The following DNM1 variants were observed in gnomAD, a reference collection of about 807,000 sequenced individuals.
DNM1 encodes the protein dynamin 1, also known as dynamin-1.
Under a neutral mutation model 104.6 loss-of-function variants are expected in DNM1, and 29 were observed. The observed-to-expected ratio is 0.28, with a 90% CI of 0.21 to 0.38. DNM1 has a LOEUF of 0.38. Ranked by LOEUF, DNM1 falls within the 10% of genes least tolerant of loss-of-function variation. DNM1 has a pLI of 1.00. For synonymous variants in DNM1, 445 were observed against 475.8 expected (o/e 0.94, Z 0.84); for missense variants, 640 against 1,189.4 (o/e 0.54, Z 6.79).
intron 1 of DNM1, among the ~76,000 whole-genome samples, chr9:128,210,058 T>C (rs1281499772): frequency 6.6e-6 from 1 of 152,030 alleles, no homozygotes; most frequent in Non-Finnish European, 1.5e-5. Context: ...TTTTGTTTTG[T>C]TTTGTAAGAC....
At position 128,212,192 on chromosome 9, in the gene DNM1, A is replaced by C. The variant is rs573616023; in HGVS notation, c.162-6039A>C. Among the ~76,000 whole-genome samples, 4 of 152,346 alleles carry C rather than the reference A, an allele frequency of 2.6e-5. No homozygotes were observed. The South Asian group carries it at 8.3e-4, about 32-fold the overall frequency. ...CAGGATCTCAGGGCATTCCCTCAGC[A>C]GCCCTAGGAGGCAGCTGCTGGCCTG... On this transcript the variant is annotated intron_variant, in intron 1 of 21. Transcript: ENST00000372923.
chr9:128,246,541 A>C, intron 16 of DNM1, 38 bp downstream of exon 16: 1 of 1,488,468 alleles, frequency 6.7e-7, no homozygotes, highest in Non-Finnish European at 9.4e-7. Context: ...CTGCAGCCCC[A>C]AAACCACCCT....
At position 128,247,900 on chromosome 9, in the gene DNM1, A is replaced by C; in HGVS notation, c.1894-24A>C. The C allele has an allele frequency of 6.2e-7, 1 of 1,612,084 alleles. No individual in the cohort carries two copies. The highest frequency in any genetic ancestry group is 1.1e-5 in the South Asian group (1 of 90,950). The stretch of plus-strand genomic sequence containing the variant: ...GCTCCCTGGTGGTGGCGGCGGTGGC[A>C]ATGTTGGTGTGTGGGCCTCCCAGGA... On this transcript the variant is annotated intron_variant, in intron 17 of 21. Transcript: ENST00000372923. The surrounding 1 kb of genome is among the most constrained non-coding windows in gnomAD (Gnocchi z 5.1).
At chr9:128,242,637 G>A (rs777322013) in intron 15 of DNM1, among the ~76,000 whole-genome samples, 5 of 152,176 alleles carry the variant, frequency 3.3e-5, no homozygotes, top group Admixed American at 1.3e-4. Context: ...GCGGGCGCCT[G>A]TAATCCCAGC....
Position 128,254,377 on chromosome 9 carries a change from G to T in DNM1, c.2535-277G>T. 3 of 1,408,086 alleles carry T rather than the reference G, an allele frequency of 2.1e-6. No homozygotes were observed. The highest frequency in any genetic ancestry group is 2.8e-6 in the Non-Finnish European group (3 of 1,089,558). 87.2% of individuals were successfully genotyped at this position (1,408,086 alleles called of 1,614,324 possible). A position where few individuals can be genotyped will look rare whatever the true frequency, so the allele number is the denominator to read the frequency against. On this transcript the variant is annotated intron_variant, in intron 21 of 21. Coordinates refer to ENST00000372923, the MANE Select transcript of DNM1 (RefSeq NM_004408.4). The surrounding 1 kb of genome is among the most constrained non-coding windows in gnomAD (Gnocchi z 6.1). ...CCTGAATTGCGGGTGCCCTGCCTGG[G>T]TGCCGTGTGAGAGGCCAGCGTGTGT...
At position 128,224,396 on chromosome 9, in the gene DNM1, C is replaced by T. The variant is rs201230726; in HGVS notation, c.1335+7C>T. 1.7e-5 allele frequency: 28 copies of T among 1,605,218 alleles called. No homozygotes were observed. The highest frequency in any genetic ancestry group is 6.7e-5 in the East Asian group (3 of 44,660). Reference sequence around the variant, plus strand: ...TAGACAGTGCACCAAGAAGGTAACCCGGAGGCCCGGGCCAGCCCCCACCGC... The same window carrying T: ...TAGACAGTGCACCAAGAAGGTAACCTGGAGGCCCGGGCCAGCCCCCACCGC... On this transcript the variant is annotated splice_region_variant and intron_variant, in intron 10 of 21. Coordinates refer to ENST00000372923, the MANE Select transcript of DNM1 (RefSeq NM_004408.4). This position sits in a 1 kb window ranked among gnomAD's most constrained non-coding sequence, Gnocchi z 4.3.
chr9:128,250,757 G>A lies in DNM1; in HGVS notation c.2351G>A (p.Arg784Gln). ...ACGTCCAGCCCCACGCCGCAGCGCC[G>A]AGCCCCCGCCGTGCCCCCAGCCCGG... is the stretch of plus-strand genomic sequence containing the variant. ...SPTSSPTPQR[R>Q]APAVPPARPG... The change falls in exon 21 of 22, where the codon CGA becomes CAA. Residue 784 changes from arginine (R) to glutamine (Q), a missense_variant. Arg to Gln is a conservative substitution (Grantham distance 43). Coordinates refer to ENST00000372923, the MANE Select transcript of DNM1 (RefSeq NM_004408.4). 2 of 1,425,034 alleles carry A rather than the reference G, an allele frequency of 1.4e-6. No individual in the cohort carries two copies. The highest frequency in any genetic ancestry group is 1.5e-5 in the African/African-American group (1 of 66,944). The allele number at this position is 1,425,034 out of a possible 1,614,324, so 88.3% of individuals were successfully genotyped here. A position where few individuals can be genotyped will look rare whatever the true frequency, so the allele number is the denominator to read the frequency against.
intron 1 of DNM1, among the ~76,000 whole-genome samples, chr9:128,209,125 A>G (rs1834143580): frequency 6.6e-6 from 1 of 152,120 alleles, no homozygotes; most frequent in South Asian, 2.1e-4. Context: ...CAGCCTCTGC[A>G]TGCTCAGAGC....
rs1197314233 is a variant in DNM1 at position 128,220,876 on chromosome 9, CTTTA to C, written c.849+539_849+542del. Among the ~76,000 whole-genome samples, 17 of 122,614 alleles carry C rather than the reference CTTTA, an allele frequency of 1.4e-4. No homozygotes were observed. Among genetic ancestry groups the C allele is most frequent in the African/African-American group, 4.8e-4 (17 of 35,368 alleles). 80.4% of individuals were successfully genotyped at this position (122,614 alleles called of 152,430 possible). ...CTCTCTGAGCCTCTATTTCTTTTTT[CTTTA>C]TTTGTTTTCTTTCTTTCTTTCTTTC... On this transcript the variant is annotated intron_variant, in intron 6 of 21. Transcript: ENST00000372923. The surrounding 1 kb of genome is among the most constrained non-coding windows in gnomAD (Gnocchi z 5.2).
At chr9:128,252,863 C>T (rs1413452691) in intron 21 of DNM1, 30 of 683,628 alleles carry the variant, frequency 4.4e-5, no homozygotes, top group Non-Finnish European at 2.4e-5. Context: ...TGGCTGCATG[C>T]CCCAGATCCA....
rs1287288185 is a variant in DNM1 at position 128,220,346 on chromosome 9, G to A, written c.849+5G>A. 5.6e-6 allele frequency: 9 copies of A among 1,613,204 alleles called. No homozygotes were observed. The highest frequency in any genetic ancestry group is 7.6e-6 in the Non-Finnish European group (9 of 1,179,942). ...CTGCAGAAGGTCCTCAATCAGGTAG[G>A]CGACCAAGCCAGGATGGGGCCTGGG... On this transcript the variant is annotated splice_donor_5th_base_variant and intron_variant, in intron 6 of 21. Transcript: ENST00000372923. This position sits in a 1 kb window ranked among gnomAD's most constrained non-coding sequence, Gnocchi z 5.2.
At position 128,253,324 on chromosome 9, in the gene DNM1, C is replaced by G; in HGVS notation, c.2535-1330C>G. 1 of 619,580 alleles carries G rather than the reference C, an allele frequency of 1.6e-6. No homozygotes were observed. Among genetic ancestry groups the G allele is most frequent in the Non-Finnish European group, 2.9e-6 (1 of 349,872 alleles). 38.4% of individuals were successfully genotyped at this position (619,580 alleles called of 1,614,324 possible). Reference sequence around the variant, plus strand: ...TCTCTCACCTCCCTTCCCTGCGAGCCTCGGGACTCAGTGCCACTGCCCAAG... The same window carrying G: ...TCTCTCACCTCCCTTCCCTGCGAGCGTCGGGACTCAGTGCCACTGCCCAAG... On this transcript the variant is annotated intron_variant, in intron 21 of 21. Transcript: ENST00000372923. The surrounding 1 kb of genome is among the most constrained non-coding windows in gnomAD (Gnocchi z 5.9).
chr9:128,217,684 T>A (rs1171083587), intron 1 of DNM1, among the ~76,000 whole-genome samples: 1 of 152,200 alleles, frequency 6.6e-6, no homozygotes, highest in African/African-American at 2.4e-5. Context: ...TCCAAAGTGC[T>A]GGGATTACAG....
chr9:128,245,811 C>T lies in DNM1; in HGVS notation c.1672-583C>T, dbSNP rs957668553. 6.6e-6 allele frequency among the ~76,000 whole-genome samples: 1 copy of T among 152,182 alleles called. No individual in the cohort carries two copies. Among genetic ancestry groups the T allele is most frequent in the Non-Finnish European group, 1.5e-5 (1 of 68,028 alleles). ...GGGCACCTCCCCAGATACACATGTG[C>T]ACACACACACAATAGCTGATAGGAT... On this transcript the variant is annotated intron_variant, in intron 15 of 21. Transcript: ENST00000372923. This position sits in a 1 kb window ranked among gnomAD's most constrained non-coding sequence, Gnocchi z 5.2.
At chr9:128,216,735 T>C (rs1225978290) in intron 1 of DNM1, among the ~76,000 whole-genome samples, 1 of 152,242 alleles carries the variant, frequency 6.6e-6, no homozygotes, top group Non-Finnish European at 1.5e-5. Context: ...CCTTAGCTCC[T>C]GACCCTGGGG....
At chr9:128,223,175 C>A (rs563417902) in intron 9 of DNM1, 190 of 385,786 alleles carry the variant, frequency 4.9e-4, no homozygotes, top group Middle Eastern at 3.1e-3. Context: ...GGTAACCGGA[C>A]AAAGATGTCC....
intron 15 of DNM1, chr9:128,244,668 C>T (rs1836641663): frequency 4.1e-6 from 2 of 490,012 alleles, no homozygotes; most frequent in Non-Finnish European, 8.6e-6. Context: ...GCTCCAGGCT[C>T]CGGTTCTGGG....
At chr9:128,246,573 A>C (rs1836828486) in intron 16 of DNM1, 70 bp downstream of exon 16, 12 of 1,169,642 alleles carry the variant, frequency 1.0e-5, no homozygotes, top group Non-Finnish European at 1.5e-5. Context: ...AGCTGGGTAC[A>C]GGGATCCAGG....
intron 21 of DNM1, chr9:128,252,974 A>T (rs1829620295): frequency 2.3e-6 from 2 of 853,456 alleles, no homozygotes; most frequent in Non-Finnish European, 2.0e-6. Context: ...TAGCGTGTGC[A>T]TGTGGGCCAT....
Sources: gnomAD v4.1 joint callset for allele counts (sites outside exome capture counted in the v4.1 genomes callset) on GRCh38, gnomAD v4.1.1 for gene constraint, Gnocchi (gnomAD v3.1) non-coding constraint, MANE v1.5 for transcripts, NCBI Gene and HGNC (gene_info 2026-07-23, HGNC 2026-07-21) for gene names.